TSHZ2: variants seen among roughly 807,000 people sequenced by gnomAD.
TSHZ2 encodes the protein teashirt zinc finger homeobox 2, also known as teashirt homolog 2.
In TSHZ2, 21 loss-of-function variants were observed where a neutral mutation model predicts 74.4. The ratio of observed to expected loss-of-function variants is 0.28; its 90% CI spans 0.20 to 0.41. TSHZ2 has a LOEUF of 0.41. Ranked by LOEUF, TSHZ2 falls within the 10% of genes least tolerant of loss-of-function variation. The pLI is 1.00. For missense variants in TSHZ2, 1,244 were observed against 1,293.5 expected (o/e 0.96, Z 0.59); for synonymous variants, 540 against 515.3 (o/e 1.05, Z -0.65).
At chr20:53,124,208 C>T (rs1002218234) in intron 1 of TSHZ2, among the ~76,000 whole-genome samples, 2 of 152,190 alleles carry the variant, frequency 1.3e-5, no homozygotes, top group African/African-American at 2.4e-5. Flanking sequence ...CTGGGCCGGC[C>T]CTTCACTACC....
In TSHZ2 at chr20:53,022,585, G is replaced by A. The variant is rs1600650682; in HGVS notation, c.40+49252G>A. On this transcript the variant is annotated intron_variant, in intron 1 of 2. Coordinates refer to ENST00000371497, the MANE Select transcript of TSHZ2 (RefSeq NM_173485.6). ...CATCTTTTAAAAATATATCTGCACC[G>A]TTTGCTCAAGTCTGAATCCTTCCTA... 3.3e-5 allele frequency among the ~76,000 whole-genome samples: 5 copies of A among 152,130 alleles called. No individual in the cohort carries two copies. The South Asian group carries it at 6.2e-4, about 19-fold the overall frequency.
At chr20:53,038,908 G>GTTTTT (rs1555817877) in intron 1 of TSHZ2, among the ~76,000 whole-genome samples, 8 of 148,004 alleles carry the variant, frequency 5.4e-5, no homozygotes, top group South Asian at 4.3e-4. Flanking sequence ...TTGTTTGTTT[G>GTTTTT]TTTTTGAGAT....
chr20:52,999,843 C>T (rs982871079), intron 1 of TSHZ2, among the ~76,000 whole-genome samples: 2 of 152,148 alleles, frequency 1.3e-5, no homozygotes, highest in Non-Finnish European at 2.9e-5. Flanking sequence ...TATACCCCAA[C>T]CATGTGAAAT....
intron 1 of TSHZ2, among the ~76,000 whole-genome samples, chr20:53,090,382 A>G (rs977540546): frequency 3.3e-5 from 5 of 152,198 alleles, no homozygotes; most frequent in African/African-American, 9.7e-5. Flanking sequence ...CTCAATATTA[A>G]CTGTCACAAA....
chr20:53,258,682 A>C (rs1248007821), intron 2 of TSHZ2, among the ~76,000 whole-genome samples: 2 of 152,222 alleles, frequency 1.3e-5, no homozygotes, highest in Non-Finnish European at 2.9e-5. Context: ...TACAAAAGGT[A>C]CTTCCAAATC....
rs1432016272 is a variant in TSHZ2 at position 53,254,509 on chromosome 20, A to G, written c.1051A>G (p.Asn351Asp). The change falls in exon 2 of 3, where the codon AAC becomes GAC. Residue 351 changes from asparagine (N) to aspartate (D), a missense_variant. By Grantham distance (23) the Asn-to-Asp change is conservative. Around this residue, in one of 6 missense-constraint regions of TSHZ2, gnomAD observed 470 missense variants for 456.5 expected, o/e 1.03. Coordinates refer to ENST00000371497, the MANE Select transcript of TSHZ2 (RefSeq NM_173485.6). ...ADSFSSQKNA[N>D]LQLSSNNRYG... Reference sequence around the variant, plus strand: ...TTCTTTTTCTTCTCAGAAGAACGCCAACTTGCAGTTGTCCTCCAACAACCG... The same window carrying G: ...TTCTTTTTCTTCTCAGAAGAACGCCGACTTGCAGTTGTCCTCCAACAACCG... The G allele has an allele frequency of 1.2e-6, 2 of 1,613,992 alleles. No homozygotes were observed. Among genetic ancestry groups the G allele is most frequent in the African/African-American group, 2.7e-5 (2 of 74,920 alleles).
intron 1 of TSHZ2, among the ~76,000 whole-genome samples, chr20:52,999,861 C>A (rs1373544231): frequency 1.3e-5 from 2 of 152,200 alleles, no homozygotes; most frequent in Non-Finnish European, 2.9e-5. Flanking sequence ...AATAATAACA[C>A]CATCTAGCTT....
chr20:52,998,510 G>T (rs1982289795), intron 1 of TSHZ2, among the ~76,000 whole-genome samples: 1 of 152,132 alleles, frequency 6.6e-6, no homozygotes, highest in Admixed American at 6.5e-5. Flanking sequence ...CCTTCACATG[G>T]TTCATATATT....
At chr20:53,088,893 A>G (rs1380539847) in intron 1 of TSHZ2, among the ~76,000 whole-genome samples, 1 of 152,140 alleles carries the variant, frequency 6.6e-6, no homozygotes, top group Non-Finnish European at 1.5e-5. Context: ...GTTGCTATTC[A>G]GCTTTCAAGT....
At chr20:53,214,397 C>G (rs1989387078) in intron 1 of TSHZ2, among the ~76,000 whole-genome samples, 1 of 152,124 alleles carries the variant, frequency 6.6e-6, no homozygotes, top group Admixed American at 6.5e-5. Flanking sequence ...TTTCCTAAGA[C>G]TGGTATGGGA....
rs957823701 is a variant in TSHZ2 at position 53,009,459 on chromosome 20, G to A, written c.40+36126G>A. 4.6e-5 allele frequency among the ~76,000 whole-genome samples: 7 copies of A among 152,102 alleles called. No homozygotes were observed. The East Asian group carries it at 7.7e-4, about 17-fold the overall frequency. The stretch of plus-strand genomic sequence containing the variant: ...GTGCAAAGAGATGACGTGATGAAGC[G>A]GGACAGCTCAGGATTTCATCACACT... On this transcript the variant is annotated intron_variant, in intron 1 of 2. Coordinates refer to ENST00000371497, the MANE Select transcript of TSHZ2 (RefSeq NM_173485.6).
chr20:53,068,891 G>T (rs1216091380), intron 1 of TSHZ2, among the ~76,000 whole-genome samples: 4 of 150,894 alleles, frequency 2.7e-5, no homozygotes, highest in African/African-American at 9.7e-5. Context: ...TTTCCATAAA[G>T]AACTGAGGCA....
At chr20:53,029,154 A>G (rs925472032) in intron 1 of TSHZ2, among the ~76,000 whole-genome samples, 12 of 152,176 alleles carry the variant, frequency 7.9e-5, no homozygotes, top group Admixed American at 7.2e-4. Context: ...TGAGACCCCC[A>G]ATATTACACA....
At chr20:53,466,074 C>A (rs1367792081) in intron 2 of TSHZ2, among the ~76,000 whole-genome samples, 5 of 151,778 alleles carry the variant, frequency 3.3e-5, no homozygotes, top group African/African-American at 1.2e-4. Context: ...TGGTGAAACC[C>A]CGTCTCTACT....
At chr20:53,436,554 T>TATTA (rs1244405722) in intron 2 of TSHZ2, among the ~76,000 whole-genome samples, 1 of 138,600 alleles carries the variant, frequency 7.2e-6, no homozygotes, top group Non-Finnish European at 1.6e-5. Context: ...TATTATTTTT[T>TATTA]TTTTTTTTTT....
chr20:53,355,179 A>C (rs1980798865), intron 2 of TSHZ2, among the ~76,000 whole-genome samples: 1 of 152,242 alleles, frequency 6.6e-6, no homozygotes. Context: ...TAAATAAGCA[A>C]AAAGGAAAAG....
At chr20:53,242,525 A>C (rs1406809521) in intron 1 of TSHZ2, among the ~76,000 whole-genome samples, 1 of 152,206 alleles carries the variant, frequency 6.6e-6, no homozygotes, top group Non-Finnish European at 1.5e-5. Flanking sequence ...GCCAAGTTGT[A>C]GGGTTTAAGG....
chr20:53,110,620 G>C (rs1416982517), intron 1 of TSHZ2, among the ~76,000 whole-genome samples: 1 of 152,144 alleles, frequency 6.6e-6, no homozygotes, highest in East Asian at 1.9e-4. Context: ...ACGTCTGTTG[G>C]AGCAGTTGGG....
intron 1 of TSHZ2, among the ~76,000 whole-genome samples, chr20:53,010,237 A>G (rs1982801095): frequency 6.6e-6 from 1 of 152,202 alleles, no homozygotes; most frequent in Non-Finnish European, 1.5e-5. Context: ...CACACGTCGA[A>G]GTTTGAGAAC....
Sources: allele counts gnomAD v4.1 joint callset (sites outside exome capture counted in the v4.1 genomes callset), GRCh38; gene constraint gnomAD v4.1.1; regional missense constraint gnomAD v4.1.1; transcripts MANE v1.5; gene names NCBI Gene and HGNC (gene_info 2026-07-23, HGNC 2026-07-21).